Variants in EDAR observed in about 807,000 individuals in gnomAD.
EDAR encodes the protein ectodysplasin A receptor, also known as tumor necrosis factor receptor superfamily member EDAR.
EDAR carries 38 observed loss-of-function variants against 51.3 expected under a neutral mutation model. The observed-to-expected ratio is 0.74, with a 90% CI of 0.57 to 0.97. EDAR has a LOEUF of 0.97. Ranked by LOEUF, EDAR falls within the 50% of genes least tolerant of loss-of-function variation. EDAR has a pLI of 0.00. For synonymous variants in EDAR, 227 were observed against 242.1 expected (o/e 0.94, Z 0.58); for missense variants, 528 against 595.0 (o/e 0.89, Z 1.17).
intron 11 of EDAR, among the ~76,000 whole-genome samples, chr2:108,904,873 G>C (rs1262407160): frequency 6.6e-6 from 1 of 152,130 alleles, no homozygotes; most frequent in Non-Finnish European, 1.5e-5. Context: ...TTTTGTATGG[G>C]AGCTGAGTCG....
chr2:108,909,074 C>T (rs260633), intron 9 of EDAR, among the ~76,000 whole-genome samples: 103,766 of 152,072 alleles, frequency 0.68, 37,224 homozygotes, highest in East Asian at 0.92. Flanking sequence ...GCCTTGCTGT[C>T]TTTTAACGTA....
intron 4 of EDAR, among the ~76,000 whole-genome samples, chr2:108,925,507 C>T (rs1331718658): frequency 2.0e-5 from 3 of 152,224 alleles, no homozygotes; most frequent in Non-Finnish European, 4.4e-5. Flanking sequence ...TTGTCCTGGG[C>T]ACGAGGCACC....
chr2:108,934,074 G>A (rs576053603), intron 1 of EDAR, among the ~76,000 whole-genome samples: 34 of 152,306 alleles, frequency 2.2e-4, no homozygotes, highest in South Asian at 2.1e-3. Context: ...TGGGCCTGCC[G>A]CACCTTAGTG....
At chr2:108,909,628 G>A (rs563335920) in intron 9 of EDAR, among the ~76,000 whole-genome samples, 23 of 152,330 alleles carry the variant, frequency 1.5e-4, no homozygotes, top group African/African-American at 5.0e-4. Flanking sequence ...AGGGGGGTCC[G>A]AGCACATTGC....
At chr2:108,952,185 G>A (rs1201563664) in intron 1 of EDAR, among the ~76,000 whole-genome samples, 1 of 152,172 alleles carries the variant, frequency 6.6e-6, no homozygotes, top group East Asian at 1.9e-4. Context: ...GAGAATTTCA[G>A]GTATGAGCAC....
At chr2:108,902,207 CAAA>C (rs59896545) in intron 11 of EDAR, among the ~76,000 whole-genome samples, 2 of 82,570 alleles carry the variant, frequency 2.4e-5, no homozygotes, top group South Asian at 4.3e-4. Flanking sequence ...GACTCCGTCT[CAAA>C]AAAAAAAAAA....
chr2:108,937,538 T>C (rs1697498251), intron 1 of EDAR, among the ~76,000 whole-genome samples: 1 of 151,738 alleles, frequency 6.6e-6, no homozygotes, highest in Non-Finnish European at 1.5e-5. Flanking sequence ...TGAGTGTATG[T>C]GTGTGAGTGT....
At chr2:108,987,652 A>C (rs1262178959) in intron 1 of EDAR, among the ~76,000 whole-genome samples, 1 of 152,224 alleles carries the variant, frequency 6.6e-6, no homozygotes, top group Non-Finnish European at 1.5e-5. Context: ...GTGCTGTCAC[A>C]AATTAATCCT....
At chr2:108,935,255 T>C (rs955393362) in intron 1 of EDAR, among the ~76,000 whole-genome samples, 5 of 152,206 alleles carry the variant, frequency 3.3e-5, no homozygotes, top group African/African-American at 4.8e-5. Context: ...CATCAGCTTA[T>C]GACTACTGAG....
chr2:108,926,234 G>A (rs112729145), intron 4 of EDAR, among the ~76,000 whole-genome samples: 4 of 152,164 alleles, frequency 2.6e-5, no homozygotes, highest in Admixed American at 1.3e-4. Flanking sequence ...CAGAGTGTCC[G>A]GTCCCTTCGT....
intron 1 of EDAR, among the ~76,000 whole-genome samples, chr2:108,951,945 C>T (rs1697835093): frequency 6.6e-6 from 1 of 152,230 alleles, no homozygotes; most frequent in Non-Finnish European, 1.5e-5. Flanking sequence ...GACACTCTTA[C>T]AGTCTAATAA....
chr2:108,916,466 C>T (rs1000789979), intron 5 of EDAR, among the ~76,000 whole-genome samples: 5 of 152,126 alleles, frequency 3.3e-5, no homozygotes, highest in Admixed American at 2.6e-4. Flanking sequence ...TACACAATGA[C>T]GTCCCCAAAC....
intron 5 of EDAR, among the ~76,000 whole-genome samples, chr2:108,917,284 G>C (rs926148245): frequency 2.0e-5 from 3 of 152,132 alleles, no homozygotes; most frequent in African/African-American, 7.2e-5. Flanking sequence ...GGGGAAGGAG[G>C]GGCTGGTTAA....
At chr2:108,961,126 C>T (rs1303749584) in intron 1 of EDAR, among the ~76,000 whole-genome samples, 2 of 152,218 alleles carry the variant, frequency 1.3e-5, no homozygotes, top group Admixed American at 1.3e-4. Context: ...CTGGAGCAGA[C>T]CCTGCAGAGT....
intron 11 of EDAR, among the ~76,000 whole-genome samples, chr2:108,899,032 T>C (rs1197725393): frequency 6.6e-6 from 1 of 152,196 alleles, no homozygotes; most frequent in Non-Finnish European, 1.5e-5. Flanking sequence ...TTTAGAACTC[T>C]CCAAATTTGT....
intron 1 of EDAR, among the ~76,000 whole-genome samples, chr2:108,932,135 A>G (rs1574387716): frequency 6.6e-6 from 1 of 152,102 alleles, no homozygotes; most frequent in East Asian, 1.9e-4. Context: ...ATGCACAGGA[A>G]CCTTCCCTCC....
chr2:108,982,637 G>A (rs1000638252), intron 1 of EDAR, among the ~76,000 whole-genome samples: 1 of 152,210 alleles, frequency 6.6e-6, no homozygotes, highest in Admixed American at 6.5e-5. Context: ...AAGTCAGAGT[G>A]CTGTGTGTGG....
rs1219032174 is a variant in EDAR at position 108,894,626 on chromosome 2, G to T, written c.*2281C>A. ...ATGTTTTAAAGTATTGCAGAATTAT[G>T]AATATCTCCACACAAAAATGGCAGG... On this transcript the variant is annotated 3_prime_UTR_variant, in exon 12 of 12. Coordinates refer to ENST00000258443, the MANE Select transcript of EDAR (RefSeq NM_022336.4). 1 of 152,622 alleles carries T rather than the reference G, an allele frequency of 6.6e-6. No individual in the cohort carries two copies. Among genetic ancestry groups the T allele is most frequent in the African/African-American group, 2.4e-5 (1 of 41,450 alleles). 9.5% of individuals were successfully genotyped at this position (152,622 alleles called of 1,614,324 possible).
chr2:108,935,884 C>T (rs1697458696), intron 1 of EDAR, among the ~76,000 whole-genome samples: 1 of 152,194 alleles, frequency 6.6e-6, no homozygotes, highest in Non-Finnish European at 1.5e-5. Context: ...CCGTCCTCCC[C>T]TAGACTCAGT....
Sources: gnomAD v4.1 joint callset for allele counts (sites outside exome capture counted in the v4.1 genomes callset) on GRCh38, gnomAD v4.1.1 for gene constraint, MANE v1.5 for transcripts, NCBI Gene and HGNC (gene_info 2026-07-23, HGNC 2026-07-21) for gene names.